The following GLI3 variants were observed in gnomAD, a reference collection of about 807,000 sequenced individuals.
GLI3 encodes transcription activator GLI3.
A neutral mutation model predicts 100.8 loss-of-function variants in GLI3; 20 were observed. The observed-to-expected ratio is 0.20, with a 90% CI of 0.14 to 0.29. The LOEUF (loss-of-function observed/expected upper bound fraction) is 0.29. Ranked by LOEUF, GLI3 falls within the 10% of genes least tolerant of loss-of-function variation. The probability of loss-of-function intolerance (pLI) is 1.00; values close to 1 mark genes in which losing one functional copy is unlikely to be tolerated. For missense variants in GLI3, 2,040 were observed against 2,128.5 expected (o/e 0.96, Z 0.82); for synonymous variants, 938 against 860.5 (o/e 1.09, Z -1.58).
Position 41,972,395 on chromosome 7 carries a change from G to C in GLI3, c.2045C>G (p.Thr682Ser), listed in dbSNP as rs749914553. Residue 682 changes from threonine (T) to serine (S), a missense_variant, in exon 13 of 15, where the codon ACT (threonine) becomes AGT (serine). Coordinates refer to ENST00000395925, the MANE Select transcript of GLI3 (RefSeq NM_000168.6). The surrounding 1 kb of genome is among the most constrained non-coding windows in gnomAD (Gnocchi z 4.4). Reference sequence around the variant, plus strand: ...GAGGCATTCTTCCCGCTTTGAGGTAGTGTTGCTGAGGTCCTGCTGCTCACC... The same window carrying C: ...GAGGCATTCTTCCCGCTTTGAGGTACTGTTGCTGAGGTCCTGCTGCTCACC... ...ALGEQQDLSN[T>S]TSKREECLQV... The C allele has an allele frequency of 3.1e-6, 5 of 1,613,910 alleles. No individual in the cohort carries two copies. Among genetic ancestry groups the C allele is most frequent in the Admixed American group, 3.3e-5 (2 of 59,994 alleles).
At chr7:42,071,006 G>C (rs547969762) in intron 4 of GLI3, among the ~76,000 whole-genome samples, 1 of 152,210 alleles carries the variant, frequency 6.6e-6, no homozygotes, top group South Asian at 2.1e-4. Flanking sequence ...TAGCTTGTTG[G>C]CACGAGGTGA....
intron 1 of GLI3, among the ~76,000 whole-genome samples, chr7:42,258,675 G>T (rs1789110506): frequency 6.6e-6 from 1 of 152,204 alleles, no homozygotes; most frequent in Admixed American, 6.5e-5. Flanking sequence ...ATGACTTCTT[G>T]ATTGATGAAT....
At chr7:42,227,970 G>A (rs1788616304) in intron 1 of GLI3, among the ~76,000 whole-genome samples, 1 of 152,192 alleles carries the variant, frequency 6.6e-6, no homozygotes. Flanking sequence ...GCGCTTTCCT[G>A]TCGAGTTCCC....
intron 3 of GLI3, among the ~76,000 whole-genome samples, chr7:42,097,830 C>T (rs1400253511): frequency 1.3e-5 from 2 of 152,152 alleles, no homozygotes; most frequent in Non-Finnish European, 2.9e-5. Flanking sequence ...CCTTCTACGA[C>T]ACCCCTAGTG....
At chr7:42,108,867 A>T (rs578206323) in intron 3 of GLI3, among the ~76,000 whole-genome samples, 2 of 152,094 alleles carry the variant, frequency 1.3e-5, no homozygotes, top group Admixed American at 6.6e-5. Flanking sequence ...CCCTTGCAAG[A>T]ATCCTTTGCA....
At chr7:42,068,786 T>C (rs1296013009) in intron 4 of GLI3, among the ~76,000 whole-genome samples, 1 of 152,052 alleles carries the variant, frequency 6.6e-6, no homozygotes, top group Admixed American at 6.6e-5. Flanking sequence ...GTTACCTAAG[T>C]GAGGGAGAGA....
At chr7:42,091,664 C>G (rs957970125) in intron 3 of GLI3, among the ~76,000 whole-genome samples, 4 of 152,250 alleles carry the variant, frequency 2.6e-5, no homozygotes, top group Admixed American at 2.6e-4. Context: ...CAGCCGCTCT[C>G]TTCTCCCCTC....
At chr7:42,197,910 A>G (rs956209136) in intron 2 of GLI3, among the ~76,000 whole-genome samples, 1 of 152,202 alleles carries the variant, frequency 6.6e-6, no homozygotes, top group Non-Finnish European at 1.5e-5. Context: ...AAGATGGTGA[A>G]TCAGACTGGA....
In GLI3 at chr7:42,199,618, A is replaced by G. The variant is rs530796004; in HGVS notation, c.124+23512T>C. Among the ~76,000 whole-genome samples, 122 of 151,798 alleles carry G rather than the reference A, an allele frequency of 8.0e-4. 1 individual carries two copies. The highest frequency in any genetic ancestry group is 2.9e-3 in the African/African-American group (119 of 41,080). On this transcript the variant is annotated intron_variant, in intron 2 of 14. Transcript: ENST00000395925. The stretch of plus-strand genomic sequence containing the variant: ...TATATGTGCGTGTATGTGTGTGAGC[A>G]CACGTGTGTCCTCTCCTTTCACCTT...
chr7:42,030,329 AG>A (rs1789250894), intron 7 of GLI3, among the ~76,000 whole-genome samples: 2 of 152,158 alleles, frequency 1.3e-5, no homozygotes. Flanking sequence ...CACCTGCAAA[AG>A]TCGTTCTGGC....
intron 3 of GLI3, among the ~76,000 whole-genome samples, chr7:42,100,340 T>C (rs979438676): frequency 1.3e-5 from 2 of 152,202 alleles, no homozygotes; most frequent in African/African-American, 4.8e-5. Flanking sequence ...ATCTGGTATA[T>C]GTAAATGTGA....
At chr7:42,110,805 A>G (rs984871115) in intron 3 of GLI3, among the ~76,000 whole-genome samples, 7 of 152,384 alleles carry the variant, frequency 4.6e-5, no homozygotes, top group African/African-American at 1.7e-4. Context: ...TTCTTTTAGT[A>G]AATGGGTTCC....
At chr7:42,146,377 G>A (rs1410681082) in intron 3 of GLI3, among the ~76,000 whole-genome samples, 8 of 152,102 alleles carry the variant, frequency 5.3e-5, no homozygotes, top group Non-Finnish European at 1.2e-4. Flanking sequence ...GGTGTAGAGA[G>A]CTCCCAGCCC....
At chr7:42,014,594 T>C (rs1788703909) in intron 10 of GLI3, among the ~76,000 whole-genome samples, 1 of 152,188 alleles carries the variant, frequency 6.6e-6, no homozygotes, top group African/African-American at 2.4e-5. Context: ...GTTTATTCCA[T>C]ACCATGCTCA....
At chr7:42,140,362 A>T (rs892634066) in intron 3 of GLI3, among the ~76,000 whole-genome samples, 7 of 152,220 alleles carry the variant, frequency 4.6e-5, no homozygotes, top group African/African-American at 1.7e-4. Flanking sequence ...TGACTGACAG[A>T]ATGAACACAA....
chr7:42,056,800 A>AATAAATAT (rs1562707389), intron 4 of GLI3, among the ~76,000 whole-genome samples: 1 of 150,400 alleles, frequency 6.6e-6, no homozygotes, highest in African/African-American at 2.4e-5. Flanking sequence ...AAAATACAAA[A>AATAAATAT]ATAAATAAAT....
chr7:42,071,185 A>C (rs1319344686), intron 4 of GLI3, among the ~76,000 whole-genome samples: 1 of 152,132 alleles, frequency 6.6e-6, no homozygotes, highest in Admixed American at 6.5e-5. Context: ...AGATGTAATT[A>C]TAATTTAGTT....
At chr7:42,106,796 G>T (rs1785586232) in intron 3 of GLI3, among the ~76,000 whole-genome samples, 2 of 151,978 alleles carry the variant, frequency 1.3e-5, no homozygotes. Flanking sequence ...AATGCTCTGG[G>T]AATTGTTTGC....
At chr7:42,190,629 T>C (rs1170370566) in intron 2 of GLI3, among the ~76,000 whole-genome samples, 1 of 152,180 alleles carries the variant, frequency 6.6e-6, no homozygotes, top group African/African-American at 2.4e-5. Flanking sequence ...TGGTTTCATG[T>C]TGTGAAAACT....
Sources: gnomAD v4.1 joint callset for allele counts (sites outside exome capture counted in the v4.1 genomes callset) on GRCh38, gnomAD v4.1.1 for gene constraint, Gnocchi (gnomAD v3.1) non-coding constraint, MANE v1.5 for transcripts, NCBI Gene and HGNC (gene_info 2026-07-23, HGNC 2026-07-21) for gene names.